The following NDUFA10 variants were observed in gnomAD, a reference collection of about 807,000 sequenced individuals.
NDUFA10 encodes the protein NADH:ubiquinone oxidoreductase subunit A10, also known as NADH dehydrogenase [ubiquinone] 1 alpha subcomplex subunit 10, mitochondrial.
NDUFA10 carries 40 observed loss-of-function variants against 47.8 expected under a neutral mutation model. The ratio of observed to expected loss-of-function variants is 0.84; its 90% CI spans 0.65 to 1.09. The LOEUF is 1.09. NDUFA10 is among the 50% of genes least tolerant of loss of function. The probability of loss-of-function intolerance (pLI) is 0.00; values close to 1 mark genes in which losing one functional copy is unlikely to be tolerated. For synonymous variants in NDUFA10, 183 were observed against 172.2 expected (o/e 1.06, Z -0.49); for missense variants, 413 against 451.1 (o/e 0.92, Z 0.76).
intron 4 of NDUFA10, among the ~76,000 whole-genome samples, chr2:239,930,803 G>C (rs540952985): frequency 1.3e-4 from 19 of 151,164 alleles, no homozygotes; most frequent in African/African-American, 4.6e-4. Context: ...TCCAGGAGGG[G>C]TGTGGCAGGG....
intron 4 of NDUFA10, among the ~76,000 whole-genome samples, chr2:239,932,649 G>A (rs577803510): frequency 1.3e-4 from 19 of 151,594 alleles, no homozygotes; most frequent in Non-Finnish European, 2.2e-4. Flanking sequence ...GTGGGATCTC[G>A]GCTCACTGTA....
Position 239,960,829 on chromosome 2 carries a change from G to C in NDUFA10, c.*289C>G. On this transcript the variant is annotated 3_prime_UTR_variant, in exon 10 of 10. Transcript: ENST00000252711. The stretch of plus-strand genomic sequence containing the variant: ...CAGAGCGGCAGCGCTGAAACCACAG[G>C]GGCTGCCGAGAGCTGGCCTTTCACA... 7.5e-7 allele frequency: 1 copy of C among 1,330,280 alleles called. No individual in the cohort carries two copies. The highest frequency in any genetic ancestry group is 9.7e-7 in the Non-Finnish European group (1 of 1,031,182). The allele number at this position is 1,330,280 out of a possible 1,614,324, so 82.4% of individuals were successfully genotyped here.
intron 9 of NDUFA10, among the ~76,000 whole-genome samples, chr2:239,988,834 TACAAGG>T (rs1193201154): frequency 6.6e-6 from 1 of 150,484 alleles, no homozygotes; most frequent in African/African-American, 2.5e-5. Flanking sequence ...CACACACGTG[TACAAGG>T]ACAGAAAGGG....
chr2:239,971,403 T>G (rs1176364441), intron 9 of NDUFA10, among the ~76,000 whole-genome samples: 2 of 152,254 alleles, frequency 1.3e-5, no homozygotes, highest in African/African-American at 4.8e-5. Context: ...AGTGCTGTCC[T>G]GAGCCACCTC....
chr2:239,931,142 A>G (rs1353245780), intron 4 of NDUFA10, among the ~76,000 whole-genome samples: 1 of 152,208 alleles, frequency 6.6e-6, no homozygotes, highest in African/African-American at 2.4e-5. Context: ...CTGAACAGCA[A>G]CTTTCACCCT....
intron 4 of NDUFA10, among the ~76,000 whole-genome samples, chr2:239,922,069 C>T (rs1369280179): frequency 8.4e-6 from 1 of 119,344 alleles, no homozygotes; most frequent in Non-Finnish European, 1.8e-5. Context: ...TTCCTTCTTT[C>T]CTTCCTTCCT....
chr2:239,954,395 C>T (rs1166991707), downstream of NDUFA10, among the ~76,000 whole-genome samples: 2 of 152,244 alleles, frequency 1.3e-5, no homozygotes, highest in African/African-American at 4.8e-5. Context: ...TCAACCTGCC[C>T]GGCTGGGCAG....
At chr2:239,972,526 GAT>G (rs1261480978) in intron 9 of NDUFA10, among the ~76,000 whole-genome samples, 1 of 152,174 alleles carries the variant, frequency 6.6e-6, no homozygotes, top group East Asian at 1.9e-4. Flanking sequence ...GAGCACTATA[GAT>G]ATTAAAGACA....
chr2:239,925,693 T>C (rs1694053589), intron 4 of NDUFA10, among the ~76,000 whole-genome samples: 1 of 152,194 alleles, frequency 6.6e-6, no homozygotes, highest in Admixed American at 6.5e-5. Context: ...CTCACGCAAA[T>C]TTAAGTTTTT....
chr2:239,994,198 C>G (rs367757446), intron 8 of NDUFA10, among the ~76,000 whole-genome samples: 1 of 152,250 alleles, frequency 6.6e-6, no homozygotes, highest in Non-Finnish European at 1.5e-5. Flanking sequence ...CCCCAGCCTC[C>G]GGGCCACAAA....
chr2:239,901,802 G>A (rs1283091542), intron 4 of NDUFA10, among the ~76,000 whole-genome samples: 1 of 151,742 alleles, frequency 6.6e-6, no homozygotes, highest in Non-Finnish European at 1.5e-5. Context: ...ATTAACAAGA[G>A]TTTAAAAGAA....
Position 240,018,618 on chromosome 2 carries a change from C to G in NDUFA10, c.482G>C (p.Arg161Pro). The G allele has an allele frequency of 6.2e-7, 1 of 1,614,114 alleles. No homozygotes were observed. Among genetic ancestry groups the G allele is most frequent in the Non-Finnish European group, 8.5e-7 (1 of 1,180,032 alleles). ...LTTGQGVVLE[R>P]SIFSDFVFLE... ...GAACACAAAGTCACTGAAGATGGAG[C>G]GCTCCAACACAACACCTTGTCCTGT... The change falls in exon 4 of 10, where the codon CGC (arginine) becomes CCC (proline). Residue 161 changes from arginine (R) to proline (P), a missense_variant. By Grantham distance (103) the Arg-to-Pro change is moderately radical. Transcript: ENST00000252711.
At chr2:240,009,067 G>A (rs1332744753) in intron 6 of NDUFA10, among the ~76,000 whole-genome samples, 1 of 152,152 alleles carries the variant, frequency 6.6e-6, no homozygotes, top group South Asian at 2.1e-4. Context: ...ATTCCTATAG[G>A]TAGCTCAGGG....
intron 4 of NDUFA10, among the ~76,000 whole-genome samples, chr2:239,921,976 CCTT>C (rs1313908985): frequency 6.8e-5 from 10 of 146,128 alleles, no homozygotes; most frequent in South Asian, 2.2e-4. Context: ...CTCCTTTCCT[CCTT>C]CTTTCCTTCC....
At chr2:239,990,744 A>G (rs904484514) in intron 8 of NDUFA10, among the ~76,000 whole-genome samples, 1 of 152,198 alleles carries the variant, frequency 6.6e-6, no homozygotes, top group Non-Finnish European at 1.5e-5. Flanking sequence ...CTTGGCACCA[A>G]TAAATATACA....
rs925797098 is a variant in NDUFA10 at position 239,959,591 on chromosome 2, G to A, written c.*1527C>T. ...TCTCGACTCCAATTCAAAACTCCTGGGAAACTTTATTTTCAAATTCTTAAA... is the reference window on the plus strand; with the variant it reads ...TCTCGACTCCAATTCAAAACTCCTGAGAAACTTTATTTTCAAATTCTTAAA... On this transcript the variant is annotated 3_prime_UTR_variant, in exon 10 of 10. Coordinates refer to ENST00000252711, the MANE Select transcript of NDUFA10 (RefSeq NM_004544.4). 1.2e-4 allele frequency: 122 copies of A among 985,666 alleles called. No individual in the cohort carries two copies. The highest frequency in any genetic ancestry group is 8.8e-5 in the Non-Finnish European group (73 of 830,008). 61.1% of individuals were successfully genotyped at this position (985,666 alleles called of 1,614,324 possible).
intron 1 of NDUFA10, among the ~76,000 whole-genome samples, chr2:240,024,672 G>C (rs1559413483): frequency 6.6e-6 from 1 of 152,226 alleles, no homozygotes; most frequent in Non-Finnish European, 1.5e-5. Flanking sequence ...AGGATCCCAA[G>C]ATGTAAGGCA....
intron 9 of NDUFA10, chr2:239,969,615 C>T (rs1695230234): frequency 2.1e-6 from 1 of 470,466 alleles, no homozygotes; most frequent in African/African-American, 2.0e-5. Flanking sequence ...TTCCTGGATT[C>T]TTTCTTCCTG....
chr2:240,023,069 C>T (rs1697702168), intron 1 of NDUFA10, among the ~76,000 whole-genome samples: 2 of 152,180 alleles, frequency 1.3e-5, no homozygotes, highest in Admixed American at 1.3e-4. Context: ...ACCCTCACAC[C>T]TCTCATCTAC....
Sources: allele counts gnomAD v4.1 joint callset (sites outside exome capture counted in the v4.1 genomes callset), GRCh38; gene constraint gnomAD v4.1.1; transcripts MANE v1.5; gene names NCBI Gene and HGNC (gene_info 2026-07-23, HGNC 2026-07-21).